Variants in IST1 observed in about 807,000 individuals in gnomAD.
IST1 encodes the protein IST1 homolog.
A neutral mutation model predicts 37.0 loss-of-function variants in IST1; 23 were observed. The observed-to-expected ratio is 0.62, with a 90% CI of 0.45 to 0.88. The LOEUF (loss-of-function observed/expected upper bound fraction) is 0.88, where lower values mean the gene tolerates loss of function less well. Among genes scored for constraint, IST1 ranks in the 40% least tolerant of loss-of-function variants. The pLI, the probability that IST1 is intolerant of heterozygous loss-of-function variation, is 0.00. For missense variants in IST1, 488 were observed against 445.4 expected (o/e 1.10, Z -0.86); for synonymous variants, 180 against 161.7 (o/e 1.11, Z -0.86).
rs550671252 is a variant in IST1 at position 71,930,059 on chromosome 16, G to A, written c.*2246G>A. 374 of 1,548,264 alleles carry A rather than the reference G, an allele frequency of 2.4e-4. 1 individual carries two copies. Among genetic ancestry groups the A allele is most frequent in the South Asian group, 1.8e-3 (147 of 83,710 alleles). On this transcript the variant is annotated 3_prime_UTR_variant, in exon 10 of 10. Coordinates refer to ENST00000378799, the MANE Select transcript of IST1 (RefSeq NM_001270975.2). The stretch of plus-strand genomic sequence containing the variant: ...TATCTTTTAGTTACCTACCTTAAGC[G>A]ACTTTCTTTCTTTTCCAAAGGCCAT...
In IST1 at chr16:71,927,850, T is replaced by G. The variant is rs374537738; in HGVS notation, c.*37T>G. 93 of 1,411,424 alleles carry G rather than the reference T, an allele frequency of 6.6e-5. No homozygotes were observed. In the African/African-American group the frequency reaches 1.2e-3, roughly 18 times the overall value. 87.4% of individuals were successfully genotyped at this position (1,411,424 alleles called of 1,614,324 possible). Reference sequence around the variant, plus strand: ...CAGGCAACTTTCACGTTTTGGGAGTTGAGACTGAGCAATTTCTCCTTGTAA... The same window carrying G: ...CAGGCAACTTTCACGTTTTGGGAGTGGAGACTGAGCAATTTCTCCTTGTAA... On this transcript the variant is annotated 3_prime_UTR_variant, in exon 10 of 10. Transcript: ENST00000378799.
At position 71,929,914 on chromosome 16, in the gene IST1, T is replaced by C; in HGVS notation, c.*2101T>C. On this transcript the variant is annotated 3_prime_UTR_variant, in exon 10 of 10. Transcript: ENST00000378799. ...AAATTGGGTTTCCTAGGAAGATAGC[T>C]GGCAGAGCTTTTGAAACTAATAAAG... 8.6e-7 allele frequency: 1 copy of C among 1,161,166 alleles called. No homozygotes were observed. The highest frequency in any genetic ancestry group is 1.2e-6 in the Non-Finnish European group (1 of 844,136). 71.9% of individuals were successfully genotyped at this position (1,161,166 alleles called of 1,614,324 possible). A position where few individuals can be genotyped will look rare whatever the true frequency, so the allele number is the denominator to read the frequency against.
intron 8 of IST1, chr16:71,924,226 A>G (rs2037682978): frequency 2.2e-6 from 1 of 453,370 alleles, no homozygotes; most frequent in African/African-American, 2.0e-5. Flanking sequence ...AGATATATTC[A>G]AGAATGCTTT....
intron 1 of IST1, among the ~76,000 whole-genome samples, chr16:71,901,039 T>A (rs2037096275): frequency 6.6e-6 from 1 of 152,198 alleles, no homozygotes; most frequent in Non-Finnish European, 1.5e-5. Flanking sequence ...AAAAATTTGT[T>A]TATGTTTGTT....
chr16:71,904,989 T>C (rs1245254627), intron 1 of IST1, among the ~76,000 whole-genome samples: 1 of 152,160 alleles, frequency 6.6e-6, no homozygotes, highest in Non-Finnish European at 1.5e-5. Context: ...GAACATATTT[T>C]TAAATTCCAT....
At position 71,922,601 on chromosome 16, in the gene IST1, C is replaced by T. The variant is rs777782213; in HGVS notation, c.680C>T (p.Thr227Met). 196 of 1,601,390 alleles carry T rather than the reference C, an allele frequency of 1.2e-4. 1 individual carries two copies. Among genetic ancestry groups the T allele is most frequent in the Admixed American group, 9.7e-4 (57 of 58,688 alleles). The change falls in exon 7 of 10, where the codon ACG becomes ATG. Residue 227 changes from threonine to methionine, a missense_variant. Thr to Met is a moderately conservative substitution (Grantham distance 81, BLOSUM62 -1). Around this residue, in one of 2 missense-constraint regions of IST1, gnomAD observed 455 missense variants for 386.2 expected, o/e 1.18. Coordinates refer to ENST00000378799, the MANE Select transcript of IST1 (RefSeq NM_001270975.2). ...GCACCAGTTGGTGGACCTGATGGAA[C>T]GGTGCCAATGCCCATGCCCATGCCC... ...FTAPVGGPDG[T>M]VPMPMPMPMP...
At chr16:71,912,494 C>T (rs2037379727) in intron 1 of IST1, among the ~76,000 whole-genome samples, 1 of 152,180 alleles carries the variant, frequency 6.6e-6, no homozygotes, top group African/African-American at 2.4e-5. Flanking sequence ...ACCTCGGCCT[C>T]CCAAAGTACT....
intron 1 of IST1, among the ~76,000 whole-genome samples, chr16:71,915,302 A>G (rs1463849427): frequency 2.6e-5 from 4 of 152,128 alleles, no homozygotes; most frequent in African/African-American, 7.2e-5. Flanking sequence ...ATCTGTCACC[A>G]AATTCTTTCA....
At chr16:71,908,699 C>A (rs1029378650) in intron 1 of IST1, among the ~76,000 whole-genome samples, 5 of 152,180 alleles carry the variant, frequency 3.3e-5, no homozygotes, top group Non-Finnish European at 7.4e-5. Context: ...TCTGTCTATA[C>A]CAGCGGTCCC....
intron 4 of IST1, among the ~76,000 whole-genome samples, chr16:71,918,550 G>A (rs892104071): frequency 1.3e-5 from 2 of 151,696 alleles, no homozygotes; most frequent in African/African-American, 4.8e-5. Flanking sequence ...CTTAGTAGCT[G>A]GGATTACAGG....
chr16:71,904,686 G>A (rs527821197), intron 1 of IST1, among the ~76,000 whole-genome samples: 66 of 152,280 alleles, frequency 4.3e-4, no homozygotes, highest in Non-Finnish European at 5.3e-4. Context: ...TGGGCTTACG[G>A]CATGAGCCAC....
At chr16:71,923,431 G>GAGCGAGCAAAA in intron 8 of IST1, 51 bp downstream of exon 8, 1 of 1,174,452 alleles carries the variant, frequency 8.5e-7, no homozygotes, top group South Asian at 1.2e-5. Flanking sequence ...ATGCCATGAA[G>GAGCGAGCAAAA]AGCGAGCAAA....
chr16:71,896,672 G>A (rs1236213822), intron 1 of IST1, among the ~76,000 whole-genome samples: 1 of 152,108 alleles, frequency 6.6e-6, no homozygotes, highest in Non-Finnish European at 1.5e-5. Flanking sequence ...AGGGGGACTT[G>A]GTAATAGTCA....
intron 1 of IST1, among the ~76,000 whole-genome samples, chr16:71,901,971 T>G (rs2142529165): frequency 1.3e-5 from 2 of 152,310 alleles, no homozygotes; most frequent in Middle Eastern, 3.4e-3. Flanking sequence ...CTTAAACATC[T>G]TATTTTAACA....
upstream of IST1, chr16:71,894,865 A>C (rs1240454066): frequency 2.0e-6 from 3 of 1,528,440 alleles, no homozygotes; most frequent in African/African-American, 4.1e-5. Flanking sequence ...AAAGGTAACC[A>C]AGGAAAAAGT....
Position 71,929,856 on chromosome 16 carries a change from G to C in IST1, c.*2043G>C, listed in dbSNP as rs2037865629. 1.0e-6 allele frequency: 1 copy of C among 956,406 alleles called. No individual in the cohort carries two copies. The highest frequency in any genetic ancestry group is 1.5e-6 in the Non-Finnish European group (1 of 659,524). 59.2% of individuals were successfully genotyped at this position (956,406 alleles called of 1,614,324 possible). A position where few individuals can be genotyped will look rare whatever the true frequency, so the allele number is the denominator to read the frequency against. On this transcript the variant is annotated 3_prime_UTR_variant, in exon 10 of 10. Transcript: ENST00000378799. The stretch of plus-strand genomic sequence containing the variant: ...AATGGTTGCGAGCCAACTATTTATA[G>C]GACAATGGCTATAGAATATTATGTA...
At chr16:71,924,864 C>G (rs774450642) in intron 9 of IST1, 47 bp downstream of exon 9, 14 of 1,290,632 alleles carry the variant, frequency 1.1e-5, no homozygotes, top group Admixed American at 5.0e-5. Flanking sequence ...GCTGAACCCT[C>G]TGCTGTTTTC....
In IST1 at chr16:71,930,610, A is replaced by G. The variant is rs1410608540; in HGVS notation, c.*2797A>G. 1 of 153,000 alleles carries G rather than the reference A, an allele frequency of 6.5e-6. No homozygotes were observed. The highest frequency in any genetic ancestry group is 6.5e-5 in the Admixed American group (1 of 15,300). 9.5% of individuals were successfully genotyped at this position (153,000 alleles called of 1,614,324 possible). A position where few individuals can be genotyped will look rare whatever the true frequency, so the allele number is the denominator to read the frequency against. On this transcript the variant is annotated 3_prime_UTR_variant, in exon 10 of 10. Coordinates refer to ENST00000378799, the MANE Select transcript of IST1 (RefSeq NM_001270975.2). ...ACAACCCTAAACACAGGAGCATTCC[A>G]ATAAAAGTTAACAGGTTGGCCACAG...
intron 6 of IST1, 101 bp from the exon 7 acceptor site, chr16:71,922,373 C>T (rs1001678361): frequency 1.6e-5 from 15 of 943,118 alleles, no homozygotes; most frequent in East Asian, 4.8e-5. Context: ...AGAAGCACTC[C>T]AGTAAACTTG....
Sources: gnomAD v4.1 joint callset for allele counts (sites outside exome capture counted in the v4.1 genomes callset) on GRCh38, gnomAD v4.1.1 for gene constraint, gnomAD v4.1.1 regional missense constraint, MANE v1.5 for transcripts, NCBI Gene and HGNC (gene_info 2026-07-23, HGNC 2026-07-21) for gene names.